Variants in TCF12 observed in about 807,000 individuals in gnomAD.
The protein encoded by TCF12 is transcription factor 12, also known as DNA-binding protein HTF4.
In TCF12, 45 loss-of-function variants were observed where a neutral mutation model predicts 86.0. The ratio of observed to expected loss-of-function variants is 0.52; its 90% CI spans 0.41 to 0.67. The LOEUF (loss-of-function observed/expected upper bound fraction) is 0.67, where lower values mean the gene tolerates loss of function less well. TCF12 is among the 30% of genes least tolerant of loss of function. The pLI is 0.00. For missense variants in TCF12, 881 were observed against 859.9 expected (o/e 1.02, Z -0.31); for synonymous variants, 330 against 299.6 (o/e 1.10, Z -1.05).
intron 3 of TCF12, among the ~76,000 whole-genome samples, chr15:57,031,372 T>A (rs1488169359): frequency 2.5e-5 from 3 of 119,478 alleles, no homozygotes; most frequent in African/African-American, 1.0e-4. Flanking sequence ...ATTGTTTAGC[T>A]TGAGGTTTGG....
intron 4 of TCF12, among the ~76,000 whole-genome samples, chr15:57,075,832 C>T (rs868374479): frequency 0.033 from 1,840 of 55,908 alleles, 100 homozygotes; most frequent in African/African-American, 0.047. Context: ...CTCTCTCTCT[C>T]TCTTTTCTTT....
intron 12 of TCF12, among the ~76,000 whole-genome samples, chr15:57,238,810 G>T (rs1183412627): frequency 4.6e-5 from 7 of 152,196 alleles, no homozygotes; most frequent in African/African-American, 1.7e-4. Context: ...GTCAAGGAGA[G>T]AAGACAGATA....
intron 12 of TCF12, 141 bp from the exon 13 acceptor site, chr15:57,243,331 G>T: frequency 1.6e-6 from 1 of 619,254 alleles, no homozygotes; most frequent in Non-Finnish European, 2.8e-6. Flanking sequence ...TGATGAAACA[G>T]TCTAAAACTT....
Position 56,920,487 on chromosome 15 carries a change from C to CGTGTGTGTGTGTGTGTGT in TCF12, c.75+504_76-517dup, listed in dbSNP as rs71113033. 5.4e-4 allele frequency among the ~76,000 whole-genome samples: 80 copies of CGTGTGTGTGTGTGTGTGT among 146,958 alleles called. 1 individual carries two copies. Among genetic ancestry groups the CGTGTGTGTGTGTGTGTGT allele is most frequent in the African/African-American group, 1.1e-3 (43 of 39,712 alleles). On this transcript the variant is annotated intron_variant, in intron 2 of 20. Coordinates refer to ENST00000333725, the MANE Select transcript of TCF12 (RefSeq NM_207037.2). ...TACTTTTATTTTATACACACACACACGTGTGTGTGTGTGTGTGTGTGTATT... is the reference window on the plus strand; with the variant it reads ...TACTTTTATTTTATACACACACACACGTGTGTGTGTGTGTGTGTGTGTGTGTGTGTGTGTGTGTGTATT...
At chr15:57,244,281 A>G (rs752418828) in intron 13 of TCF12, among the ~76,000 whole-genome samples, 4 of 152,228 alleles carry the variant, frequency 2.6e-5, no homozygotes, top group East Asian at 1.9e-4. Context: ...GTCATGTACT[A>G]CGGGTAAGAT....
intron 16 of TCF12, among the ~76,000 whole-genome samples, chr15:57,259,288 A>C (rs1395309361): frequency 1.3e-5 from 2 of 152,210 alleles, no homozygotes; most frequent in East Asian, 3.8e-4. Context: ...GATAAATCAA[A>C]ATCTTGGAGT....
chr15:57,085,820 T>C lies in TCF12; in HGVS notation c.223-5969T>C, dbSNP rs952708715. Among the ~76,000 whole-genome samples the C allele has an allele frequency of 1.3e-5, 2 of 152,200 alleles. 1 individual carries two copies. The highest frequency in any genetic ancestry group is 4.8e-5 in the African/African-American group (2 of 41,458). ...TCATCCAGAACTTTCTGATGGCTTA[T>C]GGGTTTTGGCCGATTCTTCTGGCTT... On this transcript the variant is annotated intron_variant, in intron 4 of 20. Coordinates refer to ENST00000333725, the MANE Select transcript of TCF12 (RefSeq NM_207037.2).
chr15:56,925,539 A>G (rs1348242225), intron 3 of TCF12, among the ~76,000 whole-genome samples: 1 of 152,216 alleles, frequency 6.6e-6, no homozygotes, highest in Non-Finnish European at 1.5e-5. Context: ...GGCAATAAAC[A>G]ATGCTGTCTT....
At chr15:57,166,316 A>G (rs1299825721) in intron 5 of TCF12, 86 bp from the exon 6 acceptor site, 4 of 1,101,090 alleles carry the variant, frequency 3.6e-6, no homozygotes, top group Admixed American at 2.3e-5. Flanking sequence ...TAAAACTGCA[A>G]TATAATTACC....
Position 57,232,994 on chromosome 15 carries a change from T to A in TCF12, c.970+138T>A, listed in dbSNP as rs1011589293. ...TATATGTTATATATGTATATGTGTG[T>A]TATATGTATATATGTGTTATATATG... On this transcript the variant is annotated intron_variant, in intron 11 of 20. Coordinates refer to ENST00000333725, the MANE Select transcript of TCF12 (RefSeq NM_207037.2). The A allele has an allele frequency of 8.3e-6, 4 of 481,132 alleles. No individual in the cohort carries two copies. In the East Asian group the frequency reaches 2.5e-4, roughly 31 times the overall value. 29.8% of individuals were successfully genotyped at this position (481,132 alleles called of 1,614,324 possible).
At chr15:57,183,160 C>T (rs1359261236) in intron 6 of TCF12, among the ~76,000 whole-genome samples, 1 of 152,010 alleles carries the variant, frequency 6.6e-6, no homozygotes, top group Non-Finnish European at 1.5e-5. Flanking sequence ...GAAAAGTTAC[C>T]AACCCACAGA....
chr15:57,141,381 C>T (rs2052951077), intron 5 of TCF12, among the ~76,000 whole-genome samples: 2 of 152,148 alleles, frequency 1.3e-5, no homozygotes, highest in South Asian at 4.1e-4. Flanking sequence ...TGGGGTTTAG[C>T]TCTTGATGCC....
At chr15:57,070,821 C>T (rs1173696618) in intron 4 of TCF12, among the ~76,000 whole-genome samples, 5 of 152,130 alleles carry the variant, frequency 3.3e-5, no homozygotes, top group African/African-American at 1.2e-4. Context: ...GTCATACTGG[C>T]TGGAGGTGTA....
chr15:56,958,852 C>T (rs2061617224), intron 3 of TCF12, among the ~76,000 whole-genome samples: 2 of 151,994 alleles, frequency 1.3e-5, no homozygotes, highest in Non-Finnish European at 2.9e-5. Context: ...GAGACCCTGT[C>T]TCTACCAAAT....
intron 4 of TCF12, among the ~76,000 whole-genome samples, chr15:57,070,283 G>A (rs2069258311): frequency 6.6e-6 from 1 of 151,992 alleles, no homozygotes; most frequent in East Asian, 1.9e-4. Context: ...GCAATAAAGG[G>A]ATATGAGGAT....
At chr15:57,035,456 G>A (rs1596237206) in intron 3 of TCF12, among the ~76,000 whole-genome samples, 1 of 151,972 alleles carries the variant, frequency 6.6e-6, no homozygotes, top group African/African-American at 2.4e-5. Flanking sequence ...TTGTAGAGAC[G>A]GGATCTCACT....
At chr15:56,930,477 C>T (rs2566839) in intron 3 of TCF12, among the ~76,000 whole-genome samples, 1,893 of 152,232 alleles carry the variant, frequency 0.012, 43 homozygotes, top group African/African-American at 0.043. Flanking sequence ...GGTCCGGAGG[C>T]CCATTTACTT....
Position 57,287,046 on chromosome 15 carries a change from T to A in TCF12, c.*901T>A, listed in dbSNP as rs2061957822. 1 of 168,246 alleles carries A rather than the reference T, an allele frequency of 5.9e-6. No individual in the cohort carries two copies. 10.4% of individuals were successfully genotyped at this position (168,246 alleles called of 1,614,324 possible). ...AACCAAGACTTTTCAAGCTTCTAGATCTCATAGGAAAGCTTGTAATAGCAA... is the reference window on the plus strand; with the variant it reads ...AACCAAGACTTTTCAAGCTTCTAGAACTCATAGGAAAGCTTGTAATAGCAA... On this transcript the variant is annotated 3_prime_UTR_variant, in exon 21 of 21. Coordinates refer to ENST00000333725, the MANE Select transcript of TCF12 (RefSeq NM_207037.2).
At chr15:57,160,976 C>A (rs2054466995) in intron 5 of TCF12, among the ~76,000 whole-genome samples, 1 of 152,140 alleles carries the variant, frequency 6.6e-6, no homozygotes, top group South Asian at 2.1e-4. Flanking sequence ...AGGCATGAGC[C>A]ACAGCACCCG....
Sources: allele counts gnomAD v4.1 joint callset (sites outside exome capture counted in the v4.1 genomes callset), GRCh38; gene constraint gnomAD v4.1.1; transcripts MANE v1.5; gene names NCBI Gene and HGNC (gene_info 2026-07-23, HGNC 2026-07-21).